Variants in GALNTL6 observed in about 807,000 individuals in gnomAD.
GALNTL6 encodes the protein polypeptide N-acetylgalactosaminyltransferase like 6.
GALNTL6 carries 46 observed loss-of-function variants against 73.7 expected under a neutral mutation model. That is an observed-to-expected ratio of 0.62 (90% CI 0.49 to 0.80). GALNTL6 has a LOEUF of 0.80. GALNTL6 is among the 30% of genes least tolerant of loss of function. The pLI, the probability that GALNTL6 is intolerant of heterozygous loss-of-function variation, is 0.00. For synonymous variants in GALNTL6, 259 were observed against 263.7 expected, an observed-to-expected ratio of 0.98 and a Z score of 0.17; for missense variants, 604 against 755.0, an observed-to-expected ratio of 0.80 and a Z score of 2.34.
intron 5 of GALNTL6, among the ~76,000 whole-genome samples, chr4:172,465,670 C>G (rs897568038): frequency 1.3e-5 from 2 of 152,040 alleles, no homozygotes; most frequent in African/African-American, 2.4e-5. Flanking sequence ...ACATATATTT[C>G]TGATCAAAAC....
intron 5 of GALNTL6, among the ~76,000 whole-genome samples, chr4:172,545,202 G>T (rs766189904): frequency 3.3e-5 from 5 of 151,170 alleles, no homozygotes; most frequent in East Asian, 1.9e-4. Context: ...ATAATGGGGT[G>T]GGGGGGTAAC....
chr4:171,824,077 T>TATATA, intron 2 of GALNTL6, among the ~76,000 whole-genome samples: 1 of 129,218 alleles, frequency 7.7e-6, no homozygotes, highest in African/African-American at 3.1e-5. Flanking sequence ...CAAATCCATT[T>TATATA]TATATATATA....
chr4:172,914,481 A>T (rs1435573385), intron 8 of GALNTL6, among the ~76,000 whole-genome samples: 1 of 152,222 alleles, frequency 6.6e-6, no homozygotes, highest in East Asian at 1.9e-4. Context: ...AAGACCCATC[A>T]GTGTGCTGTA....
At chr4:172,325,030 A>G (rs1298197684) in intron 4 of GALNTL6, among the ~76,000 whole-genome samples, 1 of 151,732 alleles carries the variant, frequency 6.6e-6, no homozygotes, top group Non-Finnish European at 1.5e-5. Context: ...ACTTTGTCAA[A>G]AAGAAGAAAA....
intron 2 of GALNTL6, among the ~76,000 whole-genome samples, chr4:172,017,482 A>G (rs570502032): frequency 6.6e-6 from 1 of 152,140 alleles, no homozygotes; most frequent in East Asian, 1.9e-4. Flanking sequence ...TTCTGGGAGA[A>G]GCCCCAATTG....
At chr4:172,143,541 G>A (rs1366063012) in intron 2 of GALNTL6, among the ~76,000 whole-genome samples, 1 of 151,670 alleles carries the variant, frequency 6.6e-6, no homozygotes, top group African/African-American at 2.4e-5. Context: ...TACTAACTTT[G>A]AAGTTGAATT....
chr4:172,879,483 A>C (rs1745347685), intron 7 of GALNTL6, among the ~76,000 whole-genome samples: 1 of 151,924 alleles, frequency 6.6e-6, no homozygotes, highest in Admixed American at 6.6e-5. Context: ...TCTCCAAAAA[A>C]TTCCCCAAAT....
At chr4:172,887,298 AGTGC>A (rs1284452145) in intron 8 of GALNTL6, among the ~76,000 whole-genome samples, 1 of 152,142 alleles carries the variant, frequency 6.6e-6, no homozygotes, top group African/African-American at 2.4e-5. Context: ...TGAACATATG[AGTGC>A]ATATGTCTTT....
intron 2 of GALNTL6, among the ~76,000 whole-genome samples, chr4:171,837,381 G>A (rs1735119655): frequency 6.7e-6 from 1 of 149,890 alleles, no homozygotes; most frequent in South Asian, 2.1e-4. Context: ...AGGATATTTT[G>A]GGGGGCGATT....
intron 10 of GALNTL6, among the ~76,000 whole-genome samples, chr4:173,000,994 C>T (rs1366398614): frequency 6.6e-6 from 1 of 152,022 alleles, no homozygotes; most frequent in African/African-American, 2.4e-5. Context: ...GTATGGTGGG[C>T]CCCAATCCAA....
At chr4:172,717,594 A>G (rs1735185080) in intron 5 of GALNTL6, among the ~76,000 whole-genome samples, 1 of 152,222 alleles carries the variant, frequency 6.6e-6, no homozygotes, top group Admixed American at 6.5e-5. Context: ...TGAATGAAAT[A>G]CAATATACCA....
At chr4:172,850,175 A>G (rs191334438) in intron 7 of GALNTL6, among the ~76,000 whole-genome samples, 1 of 152,346 alleles carries the variant, frequency 6.6e-6, no homozygotes, top group African/African-American at 2.4e-5. Flanking sequence ...TAGCCCTCAC[A>G]TCACCTTACT....
At chr4:173,025,466 G>A (rs575494008) in intron 12 of GALNTL6, among the ~76,000 whole-genome samples, 4 of 152,110 alleles carry the variant, frequency 2.6e-5, no homozygotes, top group East Asian at 1.9e-4. Flanking sequence ...AAATCCACCC[G>A]CTCTTTGCCA....
At chr4:172,724,104 C>G (rs72706841) in intron 5 of GALNTL6, among the ~76,000 whole-genome samples, 42 of 152,068 alleles carry the variant, frequency 2.8e-4, no homozygotes, top group Non-Finnish European at 5.4e-4. Context: ...TGATATCTTT[C>G]CAAAAGAGTG....
intron 5 of GALNTL6, among the ~76,000 whole-genome samples, chr4:172,416,230 C>G (rs1354242410): frequency 2.0e-5 from 3 of 152,134 alleles, no homozygotes; most frequent in African/African-American, 7.2e-5. Context: ...TAGTATAGGT[C>G]TCCTTAACAC....
intron 5 of GALNTL6, among the ~76,000 whole-genome samples, chr4:172,436,211 T>C (rs1177008075): frequency 1.3e-5 from 2 of 152,162 alleles, no homozygotes; most frequent in East Asian, 3.8e-4. Context: ...TAGAAGGCTG[T>C]AGCACCTCTT....
chr4:172,385,915 AC>A (rs1296185908), intron 5 of GALNTL6, among the ~76,000 whole-genome samples: 1 of 151,540 alleles, frequency 6.6e-6, no homozygotes, highest in African/African-American at 2.4e-5. Flanking sequence ...ATACACACAC[AC>A]ACATATATAT....
intron 2 of GALNTL6, among the ~76,000 whole-genome samples, chr4:171,895,295 G>A (rs1476721473): frequency 6.6e-6 from 1 of 152,204 alleles, no homozygotes; most frequent in African/African-American, 2.4e-5. Context: ...AGCAGTCATA[G>A]ATGAGCAGAA....
chr4:171,856,277 ATT>A (rs35607036), intron 2 of GALNTL6, among the ~76,000 whole-genome samples: 9,584 of 145,312 alleles, frequency 0.066, 700 homozygotes, highest in African/African-American at 0.19. Context: ...TACTTTTTGT[ATT>A]TTTTTTTTTT....
Sources: gnomAD v4.1 joint callset for allele counts (sites outside exome capture counted in the v4.1 genomes callset) on GRCh38, gnomAD v4.1.1 for gene constraint, MANE v1.5 for transcripts, NCBI Gene and HGNC (gene_info 2026-07-23, HGNC 2026-07-21) for gene names.